The following ABCC2 variants were observed in gnomAD, a reference collection of about 807,000 sequenced individuals.
ABCC2 encodes the protein ATP-binding cassette sub-family C member 2.
A neutral mutation model predicts 173.4 loss-of-function variants in ABCC2; 157 were observed. The ratio of observed to expected loss-of-function variants is 0.91; its 90% CI spans 0.80 to 1.03. The LOEUF (loss-of-function observed/expected upper bound fraction) is 1.03, where lower values mean the gene tolerates loss of function less well. Ranked by LOEUF, ABCC2 falls within the 50% of genes least tolerant of loss-of-function variation. ABCC2 has a pLI of 0.00. For synonymous variants in ABCC2, 657 were observed against 693.5 expected (o/e 0.95, Z 0.83); for missense variants, 1,822 against 1,852.3 (o/e 0.98, Z 0.30).
At position 99,809,761 on chromosome 10, in the gene ABCC2, G is replaced by C. The variant is rs148937509; in HGVS notation, c.1816-373G>C. 9.8e-5 allele frequency among the ~76,000 whole-genome samples: 15 copies of C among 152,308 alleles called. No individual in the cohort carries two copies. In the East Asian group the frequency reaches 2.9e-3, roughly 29 times the overall value. ...TCCTCTTTAGAGGCTCCCAGGAGTG[G>C]CTTAGTTAGGATGCTGGGTGGGCAT... On this transcript the variant is annotated intron_variant, in intron 13 of 31. Transcript: ENST00000647814.
intron 10 of ABCC2, among the ~76,000 whole-genome samples, chr10:99,805,082 C>G (rs1010401402): frequency 1.1e-4 from 16 of 152,124 alleles, no homozygotes; most frequent in Non-Finnish European, 7.3e-5. Flanking sequence ...ACAAGCCTGA[C>G]TGTAAAGGAG....
chr10:99,843,553 C>T (rs965809926), intron 26 of ABCC2, among the ~76,000 whole-genome samples: 1 of 152,188 alleles, frequency 6.6e-6, no homozygotes, highest in Non-Finnish European at 1.5e-5. Context: ...AGCTTTAGTC[C>T]CAAACCACTA....
chr10:99,790,570 A>G (rs1236621555), intron 2 of ABCC2, among the ~76,000 whole-genome samples: 1 of 152,106 alleles, frequency 6.6e-6, no homozygotes, highest in African/African-American at 2.4e-5. Flanking sequence ...AGTACCCTCT[A>G]GTCATCTCCA....
intron 23 of ABCC2, among the ~76,000 whole-genome samples, chr10:99,833,249 A>T (rs1035409196): frequency 2.0e-5 from 3 of 152,196 alleles, no homozygotes; most frequent in Non-Finnish European, 4.4e-5. Flanking sequence ...CTAGAACCTA[A>T]AAGAACACTC....
At chr10:99,806,209 T>C (rs1281172210) in intron 11 of ABCC2, among the ~76,000 whole-genome samples, 1 of 151,566 alleles carries the variant, frequency 6.6e-6, no homozygotes, top group Non-Finnish European at 1.5e-5. Context: ...TTATATTTGA[T>C]TTGGGGGCGG....
chr10:99,800,696 C>T, intron 9 of ABCC2, 133 bp downstream of exon 9: 2 of 1,021,670 alleles, frequency 2.0e-6, no homozygotes, highest in Non-Finnish European at 3.0e-6. Flanking sequence ...CATACAGCCT[C>T]CTTTAGATGT....
intron 21 of ABCC2, 126 bp from the exon 22 acceptor site, chr10:99,831,485 C>T (rs971243199): frequency 5.8e-6 from 5 of 856,926 alleles, no homozygotes; most frequent in South Asian, 2.7e-5. Flanking sequence ...CACAGACTAC[C>T]AAATTTTGCT....
chr10:99,792,646 C>G (rs989752593), intron 3 of ABCC2, among the ~76,000 whole-genome samples: 10 of 152,194 alleles, frequency 6.6e-5, no homozygotes, highest in African/African-American at 2.4e-4. Flanking sequence ...CAGAAGAGAG[C>G]TAAGTTTCTT....
intron 20 of ABCC2, 29 bp downstream of exon 20, chr10:99,830,462 C>T (rs17222730): frequency 6.8e-6 from 11 of 1,613,940 alleles, no homozygotes; most frequent in Middle Eastern, 1.6e-4. Flanking sequence ...TGGCAGCCCT[C>T]GTCAGCTCTA....
At chr10:99,797,523 T>G in intron 7 of ABCC2, 192 bp downstream of exon 7, 2 of 602,108 alleles carry the variant, frequency 3.3e-6, no homozygotes, top group Non-Finnish European at 5.9e-6. Context: ...ACTGTTCTCT[T>G]TCCTTTGGGG....
At chr10:99,850,513 T>C in intron 30 of ABCC2, 89 bp from the exon 31 acceptor site, 6 of 1,340,522 alleles carry the variant, frequency 4.5e-6, no homozygotes, top group Non-Finnish European at 6.3e-6. Flanking sequence ...GTTTTGAAAG[T>C]CTGATCTGGA....
chr10:99,811,011 T>C (rs2038202904), intron 14 of ABCC2, among the ~76,000 whole-genome samples: 1 of 148,082 alleles, frequency 6.8e-6, no homozygotes, highest in Non-Finnish European at 1.5e-5. Context: ...GCAACAAGAG[T>C]GAAACTCCAT....
At chr10:99,806,077 C>CTCTCTCTGTGTGTGTGTGTGTGTGTGTG (rs10644836) in intron 11 of ABCC2, among the ~76,000 whole-genome samples, 7 of 148,144 alleles carry the variant, frequency 4.7e-5, no homozygotes, top group African/African-American at 1.5e-4. Context: ...CTCTCTCTGT[C>CTCTCTCTGTGTGTGTGTGTGTGTGTGTG]TGTGTGTGTG....
At chr10:99,791,493 C>G (rs560014775) in intron 2 of ABCC2, among the ~76,000 whole-genome samples, 1 of 152,222 alleles carries the variant, frequency 6.6e-6, no homozygotes, top group East Asian at 1.9e-4. Flanking sequence ...AACAAAATAC[C>G]CCAAAACTTA....
chr10:99,836,234 T>G lies in ABCC2; in HGVS notation c.3558T>G (p.Asn1186Lys). The change falls in exon 25 of 32, where the codon AAT becomes AAG. Residue 1186 changes from asparagine (N) to lysine (K), a missense_variant. By Grantham distance (94) the Asn-to-Lys change is moderately conservative. Transcript: ENST00000647814. ...FEHQQRFLKH[N>K]EVRIDTNQKC... ...ACCAGCAGCGATTTCTGAAACACAATGAGGTGAGGATTGACACCAACCAGA... is the reference window on the plus strand; with the variant it reads ...ACCAGCAGCGATTTCTGAAACACAAGGAGGTGAGGATTGACACCAACCAGA... 1 of 1,614,202 alleles carries G rather than the reference T, an allele frequency of 6.2e-7. No individual in the cohort carries two copies. The highest frequency in any genetic ancestry group is 8.5e-7 in the Non-Finnish European group (1 of 1,180,022).
At chr10:99,851,421 C>T in intron 31 of ABCC2, 81 bp from the exon 32 acceptor site, 1 of 1,551,376 alleles carries the variant, frequency 6.4e-7, no homozygotes, top group South Asian at 1.1e-5. Context: ...TATACCACAA[C>T]TTAGTCCTGG....
At position 99,813,053 on chromosome 10, in the gene ABCC2, C is replaced by T. The variant is rs1253744822; in HGVS notation, c.2003C>T (p.Ala668Val). ...GACATTATGGCAGGCCAACTTGTGGCTGTGATAGGCCCTGTCGGCTCTGGG... is the reference window on the plus strand; with the variant it reads ...GACATTATGGCAGGCCAACTTGTGGTTGTGATAGGCCCTGTCGGCTCTGGG... ...NLDIMAGQLV[A>V]VIGPVGSGKS... Residue 668 changes from alanine (A) to valine (V), a missense_variant, in exon 16 of 32, where the codon GCT becomes GTT. By Grantham distance (64) the Ala-to-Val change is moderately conservative. Transcript: ENST00000647814. The T allele has an allele frequency of 3.1e-6, 5 of 1,613,874 alleles. No individual in the cohort carries two copies. Among genetic ancestry groups the T allele is most frequent in the African/African-American group, 1.3e-5 (1 of 74,932 alleles).
chr10:99,807,649 C>A, intron 12 of ABCC2, 128 bp downstream of exon 12: 1 of 1,335,240 alleles, frequency 7.5e-7, no homozygotes, highest in East Asian at 2.4e-5. Flanking sequence ...GGGGACTTGT[C>A]CCTCTCACCG....
At chr10:99,803,977 T>C in intron 9 of ABCC2, 42 bp from the exon 10 acceptor site, 3 of 1,613,706 alleles carry the variant, frequency 1.9e-6, no homozygotes, top group South Asian at 2.2e-5. Context: ...CCTAGTATCC[T>C]TGGCTTTGTC....
Sources: allele counts gnomAD v4.1 joint callset (sites outside exome capture counted in the v4.1 genomes callset), GRCh38; gene constraint gnomAD v4.1.1; transcripts MANE v1.5; gene names NCBI Gene and HGNC (gene_info 2026-07-23, HGNC 2026-07-21).